Variants in PLEKHA8 observed in about 807,000 individuals in gnomAD.
The protein encoded by PLEKHA8 is pleckstrin homology domain containing A8.
Under a neutral mutation model 68.2 loss-of-function variants are expected in PLEKHA8, and 36 were observed. The observed-to-expected ratio is 0.53, with a 90% CI of 0.40 to 0.70. The LOEUF (loss-of-function observed/expected upper bound fraction) is 0.70, where lower values mean the gene tolerates loss of function less well. Among genes scored for constraint, PLEKHA8 ranks in the 30% least tolerant of loss-of-function variants. The probability of loss-of-function intolerance (pLI) is 0.00; values close to 1 mark genes in which losing one functional copy is unlikely to be tolerated. For synonymous variants in PLEKHA8, 211 were observed against 216.1 expected (o/e 0.98, Z 0.20); for missense variants, 505 against 615.4 (o/e 0.82, Z 1.90).
chr7:30,046,133 T>A, intron 2 of PLEKHA8, 77 bp from the exon 3 acceptor site: 1 of 1,366,326 alleles, frequency 7.3e-7, no homozygotes, highest in Non-Finnish European at 9.7e-7. Context: ...TCAATTAAGC[T>A]CAAGAAGTTG....
intron 13 of PLEKHA8, among the ~76,000 whole-genome samples, chr7:30,108,067 C>CAAAAAAAAAAAAAAAAAA (rs796801365): frequency 4.7e-4 from 25 of 52,828 alleles, no homozygotes; most frequent in African/African-American, 1.8e-3. Flanking sequence ...AACTCCATCT[C>CAAAAAAAAAAAAAAAAAA]AAAAAAAAAA....
intron 13 of PLEKHA8, among the ~76,000 whole-genome samples, chr7:30,110,728 T>G (rs964154102): frequency 2.6e-5 from 4 of 152,218 alleles, no homozygotes; most frequent in Non-Finnish European, 5.9e-5. Context: ...AATATAGCCA[T>G]CCTAGTGAGT....
At chr7:30,072,757 T>A (rs1317953075) in intron 12 of PLEKHA8, among the ~76,000 whole-genome samples, 3 of 152,226 alleles carry the variant, frequency 2.0e-5, no homozygotes, top group Non-Finnish European at 4.4e-5. Context: ...GTGCTAAAAC[T>A]AGCACATGAA....
intron 13 of PLEKHA8, among the ~76,000 whole-genome samples, chr7:30,107,560 A>G (rs982299273): frequency 6.6e-6 from 1 of 152,062 alleles, no homozygotes; most frequent in Non-Finnish European, 1.5e-5. Context: ...TGTCTTATAT[A>G]AGCAAAAAGG....
intron 1 of PLEKHA8, among the ~76,000 whole-genome samples, chr7:30,032,405 C>CA (rs1262121864): frequency 6.6e-6 from 1 of 152,194 alleles, no homozygotes; most frequent in Admixed American, 6.5e-5. Flanking sequence ...TTAGTACTTA[C>CA]AATGTGCCAA....
At position 30,045,067 on chromosome 7, in the gene PLEKHA8, T is replaced by C. The variant is rs1247741858; in HGVS notation, c.41-18T>C. On this transcript the variant is annotated intron_variant, in intron 1 of 13. Transcript: ENST00000449726. Reference sequence around the variant, plus strand: ...ACACAGGCAGTAATTGCAATGATGCTCTTGCTTTTGTTTTCAGGTTGGCAG... The same window carrying C: ...ACACAGGCAGTAATTGCAATGATGCCCTTGCTTTTGTTTTCAGGTTGGCAG... 6.5e-7 allele frequency: 1 copy of C among 1,549,838 alleles called. No homozygotes were observed. The highest frequency in any genetic ancestry group is 2.3e-5 in the East Asian group (1 of 44,330).
In PLEKHA8 at chr7:30,079,793, A is replaced by G. The variant is rs1794831359; in HGVS notation, c.*1006A>G. The G allele has an allele frequency of 2.3e-6, 2 of 852,346 alleles. No homozygotes were observed. Among genetic ancestry groups the G allele is most frequent in the Admixed American group, 6.2e-5 (1 of 16,078 alleles). The allele number at this position is 852,346 out of a possible 1,614,324, so 52.8% of individuals were successfully genotyped here. A position where few individuals can be genotyped will look rare whatever the true frequency, so the allele number is the denominator to read the frequency against. ...GGTGGGACATAGGAATCTGCATTTC[A>G]GTAAACTTTACACGTGATTCTTCTG... On this transcript the variant is annotated 3_prime_UTR_variant, in exon 14 of 14. Coordinates refer to ENST00000449726, the MANE Select transcript of PLEKHA8 (RefSeq NM_001197026.2).
At chr7:30,035,613 G>A (rs950222460) in intron 1 of PLEKHA8, among the ~76,000 whole-genome samples, 2 of 151,724 alleles carry the variant, frequency 1.3e-5, no homozygotes, top group African/African-American at 4.8e-5. Flanking sequence ...ATTGAGTTGT[G>A]AGAGCTCTTT....
Position 30,082,539 on chromosome 7 carries a change from T to C in PLEKHA8, c.*3752T>C, listed in dbSNP as rs937835950. 1 of 985,248 alleles carries C rather than the reference T, an allele frequency of 1.0e-6. No homozygotes were observed. Among genetic ancestry groups the C allele is most frequent in the African/African-American group, 1.7e-5 (1 of 57,222 alleles). 61.0% of individuals were successfully genotyped at this position (985,248 alleles called of 1,614,324 possible). On this transcript the variant is annotated 3_prime_UTR_variant, in exon 14 of 14. Transcript: ENST00000449726. ...CATGACATGGGGCACCTAGGAAAGA[T>C]GATTATTAGAGGAGTGCAGCGGAAA...
At chr7:30,090,377 G>A (rs1020026215) in exon 13 of PLEKHA8, 24 of 582,878 alleles carry the variant, frequency 4.1e-5, no homozygotes, top group Admixed American at 1.7e-4. Context: ...CAACCAAGTC[G>A]TCAAATCTAA....
chr7:30,044,100 G>A (rs974317381), intron 1 of PLEKHA8, among the ~76,000 whole-genome samples: 6 of 149,354 alleles, frequency 4.0e-5, no homozygotes, highest in Non-Finnish European at 5.9e-5. Context: ...TTCGCCTTCC[G>A]GGTTCAAGCG....
downstream of PLEKHA8, among the ~76,000 whole-genome samples, chr7:30,088,195 C>G (rs936247702): frequency 2.6e-5 from 4 of 152,198 alleles, no homozygotes; most frequent in Non-Finnish European, 5.9e-5. Context: ...GAGTGCCTGA[C>G]CACTCAGAGT....
intron 13 of PLEKHA8, chr7:30,115,811 T>G (rs568971334): frequency 1.4e-5 from 2 of 138,140 alleles, no homozygotes; most frequent in African/African-American, 5.8e-5. Flanking sequence ...TATACACGCA[T>G]GCATGTATAC....
chr7:30,130,132 G>T (rs1796849188), downstream of PLEKHA8: 2 of 152,248 alleles, frequency 1.3e-5, no homozygotes, highest in South Asian at 2.1e-4. Context: ...GAGATCTGGT[G>T]TAATGCTCTT....
intron 13 of PLEKHA8, among the ~76,000 whole-genome samples, chr7:30,128,111 T>A (rs796968226): frequency 3.8e-4 from 47 of 124,976 alleles, no homozygotes; most frequent in African/African-American, 1.3e-3. Context: ...TTTTTTTTTT[T>A]ACTTATTTAT....
At chr7:30,118,690 G>A (rs1043548823) in intron 13 of PLEKHA8, among the ~76,000 whole-genome samples, 3 of 151,684 alleles carry the variant, frequency 2.0e-5, no homozygotes, top group Admixed American at 2.0e-4. Flanking sequence ...CCATTCTCCT[G>A]CCTCAGCCTC....
intron 9 of PLEKHA8, among the ~76,000 whole-genome samples, chr7:30,056,785 GTA>G (rs1185665108): frequency 0.023 from 1,909 of 82,176 alleles, 60 homozygotes; most frequent in African/African-American, 0.07. Flanking sequence ...GTGTGTGTGT[GTA>G]TATATATATG....
At chr7:30,112,389 AAAAAACCTT>A (rs1367142952) in intron 13 of PLEKHA8, among the ~76,000 whole-genome samples, 3 of 152,172 alleles carry the variant, frequency 2.0e-5, no homozygotes, top group African/African-American at 7.2e-5. Context: ...CCTTAAAAAA[AAAAAACCTT>A]AAAAATACTT....
intron 1 of PLEKHA8, among the ~76,000 whole-genome samples, chr7:30,034,496 A>G (rs1318286385): frequency 1.3e-5 from 2 of 152,216 alleles, no homozygotes; most frequent in African/African-American, 4.8e-5. Flanking sequence ...TAACTTTAAC[A>G]ATTAACACAT....
Sources: allele counts gnomAD v4.1 joint callset (sites outside exome capture counted in the v4.1 genomes callset), GRCh38; gene constraint gnomAD v4.1.1; transcripts MANE v1.5; gene names NCBI Gene and HGNC (gene_info 2026-07-23, HGNC 2026-07-21).